Variants in PPP4R1 observed in about 807,000 individuals in gnomAD.
PPP4R1 encodes the protein protein phosphatase 4 regulatory subunit 1.
PPP4R1 carries 42 observed loss-of-function variants against 111.2 expected under a neutral mutation model. That is an observed-to-expected ratio of 0.38 (90% CI 0.29 to 0.49). The LOEUF is 0.49. Ranked by LOEUF, PPP4R1 falls within the 20% of genes least tolerant of loss-of-function variation. The pLI, the probability that PPP4R1 is intolerant of heterozygous loss-of-function variation, is 0.97. For missense variants in PPP4R1, 1,012 were observed against 1,161.6 expected, an observed-to-expected ratio of 0.87 and a Z score of 1.87; for synonymous variants, 409 against 405.5, an observed-to-expected ratio of 1.01 and a Z score of -0.10.
In PPP4R1 at chr18:9,582,681, C is replaced by T. The variant is rs748169104; in HGVS notation, c.918+436G>A. ...ACATTTCCTAACTCATTTTATGAGG[C>T]CATTATTACTCTGACAACAAACCAG... On this transcript the variant is annotated intron_variant, in intron 9 of 19. Transcript: ENST00000400556. Among the ~76,000 whole-genome samples, 119 of 152,288 alleles carry T rather than the reference C, an allele frequency of 7.8e-4. 1 individual carries two copies. The highest frequency in any genetic ancestry group is 1.6e-3 in the Non-Finnish European group (107 of 68,018).
In PPP4R1 at chr18:9,590,471, T is replaced by C. The variant is rs188897492; in HGVS notation, c.296-1618A>G. Among the ~76,000 whole-genome samples the C allele has an allele frequency of 1.0e-3, 153 of 152,366 alleles. 1 individual carries two copies. The highest frequency in any genetic ancestry group is 3.0e-3 in the African/African-American group (126 of 41,596). On this transcript the variant is annotated intron_variant, in intron 4 of 19. Coordinates refer to ENST00000400556, the MANE Select transcript of PPP4R1 (RefSeq NM_001042388.3). ...CTAAGTTAACACTGACAATTGCTTA[T>C]ATTTTTGAAGCAAAAGGAGGACACA...
rs202064403 is a variant in PPP4R1, at chr18:9,567,739, T to TA, written c.1573+2417_1573+2418insT. Among the ~76,000 whole-genome samples the TA allele has an allele frequency of 3.7e-3, 557 of 152,342 alleles. 3 individuals carry two copies. Among genetic ancestry groups the TA allele is most frequent in the African/African-American group, 0.013 (520 of 41,588 alleles). The stretch of plus-strand genomic sequence containing the variant: ...GCAGGTAATATGCCAACAAACACCA[T>TA]TGCTAGCTATGGATACATCTTTCAT... On this transcript the variant is annotated intron_variant, in intron 11 of 19. Transcript: ENST00000400556.
At chr18:9,564,739 G>GTGTGTGTGTGTGTGTGT (rs1568094920) in intron 11 of PPP4R1, among the ~76,000 whole-genome samples, 11 of 17,380 alleles carry the variant, frequency 6.3e-4, no homozygotes, top group Admixed American at 1.7e-3. Context: ...TGTGTGTGTG[G>GTGTGTGTGTGTGTGTGT]GGGTATCATC....
At chr18:9,552,478 T>C (rs900248140) in intron 16 of PPP4R1, among the ~76,000 whole-genome samples, 5 of 152,218 alleles carry the variant, frequency 3.3e-5, no homozygotes, top group African/African-American at 9.7e-5. Flanking sequence ...CAATTATTAT[T>C]TGGCCAATTT....
In PPP4R1 at chr18:9,612,147, T is replaced by C. The variant is rs2067592501; in HGVS notation, c.52+2079A>G. On this transcript the variant is annotated intron_variant, in intron 2 of 19. Coordinates refer to ENST00000400556, the MANE Select transcript of PPP4R1 (RefSeq NM_001042388.3). ...TGCTCTTTTCTCATAACAGCAAACA[T>C]AATCATAATCATCGCTGTTTACCAG... 3.3e-5 allele frequency among the ~76,000 whole-genome samples: 5 copies of C among 152,216 alleles called. No individual in the cohort carries two copies. In the South Asian group the frequency reaches 1.0e-3, roughly 31 times the overall value.
At chr18:9,565,011 A>G (rs939373258) in intron 11 of PPP4R1, among the ~76,000 whole-genome samples, 1 of 152,080 alleles carries the variant, frequency 6.6e-6, no homozygotes, top group African/African-American at 2.4e-5. Flanking sequence ...GCTGGGCGTG[A>G]TAACTGTACT....
chr18:9,593,927 C>G (rs1237601560), intron 3 of PPP4R1, 53 bp from the exon 4 acceptor site: 1 of 1,434,216 alleles, frequency 7.0e-7, no homozygotes, highest in African/African-American at 1.4e-5. Flanking sequence ...TAGCTAATAT[C>G]CAGAATTTTA....
intron 2 of PPP4R1, among the ~76,000 whole-genome samples, chr18:9,596,325 A>ATT (rs1406907137): frequency 2.6e-5 from 4 of 152,186 alleles, no homozygotes; most frequent in Non-Finnish European, 5.9e-5. Context: ...AAGCCCTAAG[A>ATT]GCTTTCCAAG....
intron 3 of PPP4R1, chr18:9,594,553 C>T (rs1011291845): frequency 6.5e-6 from 1 of 153,162 alleles, no homozygotes; most frequent in Admixed American, 6.5e-5. Flanking sequence ...AAAATCTGAA[C>T]CAAGACTTTT....
chr18:9,555,993 C>CAAAA lies in PPP4R1; in HGVS notation c.2190+1227_2190+1228insTTTT, dbSNP rs372094910. 7.1e-3 allele frequency among the ~76,000 whole-genome samples: 860 copies of CAAAA among 120,742 alleles called. 6 individuals carry two copies. Among genetic ancestry groups the CAAAA allele is most frequent in the Middle Eastern group, 0.033 (7 of 210 alleles). 79.2% of individuals were successfully genotyped at this position (120,742 alleles called of 152,430 possible). On this transcript the variant is annotated intron_variant, in intron 15 of 19. Coordinates refer to ENST00000400556, the MANE Select transcript of PPP4R1 (RefSeq NM_001042388.3). ...CTACTAAAACAAACAAACAAACAAA[C>CAAAA]AAACAAAAAAACACAAAATCGGCCG...
chr18:9,549,962 A>C (rs1568080492), intron 18 of PPP4R1, 90 bp downstream of exon 18: 2 of 1,559,922 alleles, frequency 1.3e-6, no homozygotes, highest in Non-Finnish European at 1.8e-6. Context: ...CTTAAGAGTA[A>C]GGAAGAGGGT....
chr18:9,593,250 T>C (rs1474336310), intron 4 of PPP4R1, among the ~76,000 whole-genome samples: 2 of 152,156 alleles, frequency 1.3e-5, no homozygotes, highest in Admixed American at 6.5e-5. Context: ...CAACAAAAGA[T>C]ATATTTATAA....
At chr18:9,602,444 G>A (rs2067402633) in intron 2 of PPP4R1, among the ~76,000 whole-genome samples, 1 of 150,882 alleles carries the variant, frequency 6.6e-6, no homozygotes, top group Non-Finnish European at 1.5e-5. Flanking sequence ...TACTTGGGAG[G>A]CTGAGGCAGG....
At chr18:9,572,666 G>T (rs2066880128) in intron 10 of PPP4R1, among the ~76,000 whole-genome samples, 1 of 152,190 alleles carries the variant, frequency 6.6e-6, no homozygotes. Context: ...GCCTATGTGA[G>T]CTCCCACTTA....
chr18:9,587,396 T>TTC (rs2067136453), intron 6 of PPP4R1: 1 of 140,162 alleles, frequency 7.1e-6, no homozygotes, highest in Non-Finnish European at 1.5e-5. Context: ...CTTTCTTTCT[T>TTC]TTTTTTTTTT....
chr18:9,588,922 G>C (rs2067165795), intron 4 of PPP4R1, 69 bp from the exon 5 acceptor site: 3 of 1,547,682 alleles, frequency 1.9e-6, no homozygotes, highest in Non-Finnish European at 2.6e-6. Context: ...CTGTTCTTGA[G>C]GGTACTTAGG....
intron 16 of PPP4R1, 137 bp downstream of exon 16, chr18:9,553,185 T>C (rs2066516270): frequency 3.1e-6 from 2 of 651,364 alleles, no homozygotes; most frequent in Non-Finnish European, 5.2e-6. Flanking sequence ...AGACACATAT[T>C]ACAGGAAGCG....
At chr18:9,613,105 CA>C (rs1312983930) in intron 2 of PPP4R1, among the ~76,000 whole-genome samples, 6 of 152,306 alleles carry the variant, frequency 3.9e-5, no homozygotes, top group South Asian at 4.1e-4. Flanking sequence ...ACTAGACAGT[CA>C]ATCTCAGCAT....
intron 4 of PPP4R1, among the ~76,000 whole-genome samples, chr18:9,589,060 G>A (rs544451280): frequency 2.0e-5 from 3 of 152,254 alleles, no homozygotes; most frequent in Admixed American, 2.0e-4. Context: ...TTCAATCCAA[G>A]CTTCTGTTGT....
Sources: gnomAD v4.1 joint callset for allele counts (sites outside exome capture counted in the v4.1 genomes callset) on GRCh38, gnomAD v4.1.1 for gene constraint, MANE v1.5 for transcripts, NCBI Gene and HGNC (gene_info 2026-07-23, HGNC 2026-07-21) for gene names.